The following IGFBP3 variants were observed in gnomAD, a reference collection of about 807,000 sequenced individuals.
IGFBP3 encodes the protein insulin-like growth factor-binding protein 3.
In IGFBP3, 9 loss-of-function variants were observed where a neutral mutation model predicts 28.6. That is an observed-to-expected ratio of 0.31 (90% CI 0.19 to 0.55). IGFBP3 has a LOEUF of 0.55. Ranked by LOEUF, IGFBP3 falls within the 20% of genes least tolerant of loss-of-function variation. IGFBP3 has a pLI of 0.93. For synonymous variants in IGFBP3, 185 were observed against 188.2 expected (o/e 0.98, Z 0.14); for missense variants, 382 against 428.9 (o/e 0.89, Z 0.97).
intron 1 of IGFBP3, chr7:45,919,927 C>CCG (rs33979592): frequency 6.6e-6 from 1 of 151,006 alleles, no homozygotes; most frequent in African/African-American, 2.4e-5. Context: ...TTCCCCCCCC[C>CCG]ATTTCAGATT....
Position 45,912,508 on chromosome 7 carries a change from T to C in IGFBP3, c.*1342A>G, listed in dbSNP as rs1001802204. The C allele has an allele frequency of 1.3e-5, 2 of 152,362 alleles. No individual in the cohort carries two copies. Among genetic ancestry groups the C allele is most frequent in the South Asian group, 2.1e-4 (1 of 4,828 alleles). The allele number at this position is 152,362 out of a possible 1,614,324, so 9.4% of individuals were successfully genotyped here. A position where few individuals can be genotyped will look rare whatever the true frequency, so the allele number is the denominator to read the frequency against. On this transcript the variant is annotated 3_prime_UTR_variant, in exon 5 of 5. Transcript: ENST00000613132. The stretch of plus-strand genomic sequence containing the variant: ...CCCTCTGTTTTCAAGGAGAGCTCTA[T>C]GCAGCGTGTGTCCACACCGAGGTCT...
Position 45,917,409 on chromosome 7 carries a change from C to G in IGFBP3, c.434G>C (p.Ser145Thr). Residue 145 changes from serine to threonine, a missense_variant, in exon 2 of 5, where the codon AGC (serine) becomes ACC (threonine). Physicochemically the swap from Ser to Thr is moderately conservative, Grantham distance 58. Transcript: ENST00000613132. ...GNASESEEDR[S>T]AGSVESPSVS... ...GGACGGGCTCTCCACACTGCCGGCG[C>G]TGCGGTCTTCCTCCGACTCACTAGC... 1 of 1,613,576 alleles carries G rather than the reference C, an allele frequency of 6.2e-7. No homozygotes were observed. The highest frequency in any genetic ancestry group is 8.5e-7 in the Non-Finnish European group (1 of 1,179,762).
chr7:45,917,192 A>T (rs1261857485), intron 2 of IGFBP3, 21 bp downstream of exon 2: 2 of 1,583,554 alleles, frequency 1.3e-6, no homozygotes, highest in Non-Finnish European at 8.7e-7. Flanking sequence ...CTCCTCCTTT[A>T]ACAAGAGGAA....
intron 2 of IGFBP3, 135 bp from the exon 3 acceptor site, chr7:45,916,802 G>T: frequency 1.1e-6 from 1 of 934,378 alleles, no homozygotes; most frequent in Non-Finnish European, 1.6e-6. Flanking sequence ...TATGTCTGAT[G>T]TAGCACGAAA....
intron 2 of IGFBP3, 117 bp from the exon 3 acceptor site, chr7:45,916,784 A>G (rs1784614584): frequency 6.2e-6 from 7 of 1,120,110 alleles, no homozygotes. Flanking sequence ...TTTGCTCCTC[A>G]GATACCTTAT....
intron 3 of IGFBP3, among the ~76,000 whole-genome samples, chr7:45,915,857 C>G (rs1170466704): frequency 6.6e-6 from 1 of 152,198 alleles, no homozygotes; most frequent in Non-Finnish European, 1.5e-5. Context: ...ACTGGCCATC[C>G]CCAGCATGGA....
intron 4 of IGFBP3, chr7:45,914,255 G>T (rs887895011): frequency 1.3e-5 from 2 of 151,882 alleles, no homozygotes; most frequent in African/African-American, 4.8e-5. Context: ...TTTTCTATCA[G>T]ATTTAAATTA....
At chr7:45,915,212 C>T (rs1262421840) in intron 3 of IGFBP3, 2 of 398,424 alleles carry the variant, frequency 5.0e-6, no homozygotes, top group South Asian at 5.5e-5. Context: ...GACACCAGCC[C>T]TTGTAGAACC....
In IGFBP3 at chr7:45,912,551, C is replaced by T. The variant is rs1784558219; in HGVS notation, c.*1299G>A. On this transcript the variant is annotated 3_prime_UTR_variant, in exon 5 of 5. Transcript: ENST00000613132. ...CGAGGTCTGCAGCAGGGCAGAGTCT[C>T]CCTGAGCCTGACTTTGCCAGACCTT... 1 of 152,552 alleles carries T rather than the reference C, an allele frequency of 6.6e-6. No homozygotes were observed. Among genetic ancestry groups the T allele is most frequent in the South Asian group, 2.1e-4 (1 of 4,832 alleles). The allele number at this position is 152,552 out of a possible 1,614,324, so 9.4% of individuals were successfully genotyped here.
chr7:45,920,883 C>A lies in IGFBP3; in HGVS notation c.258G>T (p.Glu86Asp). 1 of 1,430,482 alleles carries A rather than the reference C, an allele frequency of 7.0e-7. No homozygotes were observed. 88.6% of individuals were successfully genotyped at this position (1,430,482 alleles called of 1,614,324 possible). A position where few individuals can be genotyped will look rare whatever the true frequency, so the allele number is the denominator to read the frequency against. ...SEGQPCGIYTERCGSGLRCQP... is the reference protein window; with the variant it reads ...SEGQPCGIYTDRCGSGLRCQP... ...GGCAGCGAAGGCCGGAGCCACAGCG[C>A]TCGGTGTAGATGCCGCACGGCTGGC... Residue 86 changes from glutamate to aspartate, a missense_variant, in exon 1 of 5, where the codon GAG (glutamate) becomes GAT (aspartate). By Grantham distance (45) the Glu-to-Asp change is conservative. Transcript: ENST00000613132.
In IGFBP3 at chr7:45,915,161, C is replaced by CA; in HGVS notation, c.751-217_751-216insT. ...GGTGTAACTTCCTGCTCCAAGAAAGCGGGGGTGGGGGCAGTTTTGTGTTTC... is the reference window on the plus strand; with the variant it reads ...GGTGTAACTTCCTGCTCCAAGAAAGCAGGGGGTGGGGGCAGTTTTGTGTTTC... On this transcript the variant is annotated intron_variant, in intron 3 of 4. Coordinates refer to ENST00000613132, the MANE Select transcript of IGFBP3 (RefSeq NM_000598.5). The CA allele has an allele frequency of 1.4e-5, 7 of 511,414 alleles. No homozygotes were observed. In the South Asian group the frequency reaches 1.5e-4, roughly 11 times the overall value. 31.7% of individuals were successfully genotyped at this position (511,414 alleles called of 1,614,324 possible). A position where few individuals can be genotyped will look rare whatever the true frequency, so the allele number is the denominator to read the frequency against.
In IGFBP3 at chr7:45,920,771, G is replaced by A; in HGVS notation, c.370C>T (p.Arg124Cys). 2 of 1,421,624 alleles carry A rather than the reference G, an allele frequency of 1.4e-6. No individual in the cohort carries two copies. The highest frequency in any genetic ancestry group is 9.1e-7 in the Non-Finnish European group (1 of 1,096,118). 88.1% of individuals were successfully genotyped at this position (1,421,624 alleles called of 1,614,324 possible). A position where few individuals can be genotyped will look rare whatever the true frequency, so the allele number is the denominator to read the frequency against. Residue 124 changes from arginine (R) to cysteine (C), a missense_variant, in exon 1 of 5, where the codon CGC becomes TGC. Physicochemically the swap from Arg to Cys is radical, Grantham distance 180. Coordinates refer to ENST00000613132, the MANE Select transcript of IGFBP3 (RefSeq NM_000598.5). ...GGCGGCGCTGGCAGCAGGTAGGCGC[G>A]CAGGCGGCTGACGGCACTAGCGTTG... ...CVNASAVSRLRAYLLPAPPAP... is the reference protein window; with the variant it reads ...CVNASAVSRLCAYLLPAPPAP...
At chr7:45,919,398 C>T (rs368911672) in intron 1 of IGFBP3, among the ~76,000 whole-genome samples, 1 of 152,196 alleles carries the variant, frequency 6.6e-6, no homozygotes, top group African/African-American at 2.4e-5. Flanking sequence ...AACTTTGCCC[C>T]GAGAGACAAA....
At chr7:45,920,645 G>A in intron 1 of IGFBP3, 93 bp downstream of exon 1, 13 of 1,162,060 alleles carry the variant, frequency 1.1e-5, no homozygotes, top group Non-Finnish European at 1.4e-5. Flanking sequence ...GAAGAAAAGC[G>A]GAGTCTCCCG....
At chr7:45,919,841 G>A (rs1421579193) in intron 1 of IGFBP3, among the ~76,000 whole-genome samples, 1 of 152,126 alleles carries the variant, frequency 6.6e-6, no homozygotes, top group East Asian at 1.9e-4. Flanking sequence ...GATACTGATA[G>A]TGGCTAAGCC....
chr7:45,921,077 G>A lies in IGFBP3; in HGVS notation c.64C>T (p.Pro22Ser). Residue 22 changes from proline to serine, a missense_variant, in exon 1 of 5, where the codon CCG (proline) becomes TCG (serine). Physicochemically the swap from Pro to Ser is moderately conservative, Grantham distance 74 (BLOSUM62 -1). Coordinates refer to ENST00000613132, the MANE Select transcript of IGFBP3 (RefSeq NM_000598.5). ...ALTLLVLLRG[P>S]PVARAGASSA... ...CTCGCGCCAGCCCGCGCCACCGGCGGCCCGCGGAGCAGCACCAGCAGAGTC... is the reference window on the plus strand; with the variant it reads ...CTCGCGCCAGCCCGCGCCACCGGCGACCCGCGGAGCAGCACCAGCAGAGTC... The A allele has an allele frequency of 6.9e-7, 1 of 1,457,096 alleles. No homozygotes were observed. Among genetic ancestry groups the A allele is most frequent in the Non-Finnish European group, 9.0e-7 (1 of 1,112,826 alleles). 90.3% of individuals were successfully genotyped at this position (1,457,096 alleles called of 1,614,324 possible).
rs1452482848 is a variant in IGFBP3, at chr7:45,913,129, CCTTCGACTGGGCCATGT to C, written c.*704_*720del. 1 of 152,168 alleles carries C rather than the reference CCTTCGACTGGGCCATGT, an allele frequency of 6.6e-6. No individual in the cohort carries two copies. The highest frequency in any genetic ancestry group is 1.5e-5 in the Non-Finnish European group (1 of 68,042). The allele number at this position is 152,168 out of a possible 1,614,324, so 9.4% of individuals were successfully genotyped here. A position where few individuals can be genotyped will look rare whatever the true frequency, so the allele number is the denominator to read the frequency against. ...GGGCCGCAGCAAAAGCCATCCTGGG[CCTTCGACTGGGCCATGT>C]CTTCAGGAAGATTCCTGAAGAGGAG... On this transcript the variant is annotated 3_prime_UTR_variant, in exon 5 of 5. Transcript: ENST00000613132.
At position 45,917,341 on chromosome 7, in the gene IGFBP3, G is replaced by A. The variant is rs754726139; in HGVS notation, c.502C>T (p.Leu168Phe). 3.1e-6 allele frequency: 5 copies of A among 1,614,114 alleles called. No homozygotes were observed. In the East Asian group the frequency reaches 1.1e-4, roughly 36 times the overall value. Reference protein sequence around the residue: ...HRVSDPKFHPLHSKIIIIKKG... With the variant: ...HRVSDPKFHPFHSKIIIIKKG... The stretch of plus-strand genomic sequence containing the variant: ...TTGATGATGATTATCTTTGAATGGA[G>A]GGGGTGGAACTTGGGATCAGACACC... Residue 168 changes from leucine (L) to phenylalanine (F), a missense_variant, in exon 2 of 5, where the codon CTC (leucine) becomes TTC (phenylalanine). Coordinates refer to ENST00000613132, the MANE Select transcript of IGFBP3 (RefSeq NM_000598.5).
intron 2 of IGFBP3, 43 bp downstream of exon 2, chr7:45,917,170 G>A: frequency 6.7e-7 from 1 of 1,495,674 alleles, no homozygotes; most frequent in Non-Finnish European, 9.3e-7. Context: ...CCCAGGCTTG[G>A]CAGGTCTTGC....
Sources: allele counts gnomAD v4.1 joint callset (sites outside exome capture counted in the v4.1 genomes callset), GRCh38; gene constraint gnomAD v4.1.1; transcripts MANE v1.5; gene names NCBI Gene and HGNC (gene_info 2026-07-23, HGNC 2026-07-21).